The following ZHX2 variants were observed in gnomAD, a reference collection of about 807,000 sequenced individuals.
ZHX2 encodes zinc fingers and homeoboxes protein 2.
A neutral mutation model predicts 21.9 loss-of-function variants in ZHX2; 6 were observed. The ratio of observed to expected loss-of-function variants is 0.27; its 90% CI spans 0.15 to 0.54. The LOEUF (loss-of-function observed/expected upper bound fraction) is 0.54, where lower values mean the gene tolerates loss of function less well. Among genes scored for constraint, ZHX2 ranks in the 20% least tolerant of loss-of-function variants. The pLI, the probability that ZHX2 is intolerant of heterozygous loss-of-function variation, is 0.95. For missense variants in ZHX2, 908 were observed against 1,090.7 expected, an observed-to-expected ratio of 0.83 and a Z score of 2.36; for synonymous variants, 434 against 437.1, an observed-to-expected ratio of 0.99 and a Z score of 0.09.
chr8:122,788,743 G>A (rs973254826), intron 1 of ZHX2, among the ~76,000 whole-genome samples: 5 of 152,222 alleles, frequency 3.3e-5, no homozygotes, highest in Non-Finnish European at 7.3e-5. Flanking sequence ...CAGCCTGGAA[G>A]AGGTGTGAGG....
chr8:122,960,546 T>C (rs576238538), intron 3 of ZHX2, among the ~76,000 whole-genome samples: 10 of 151,876 alleles, frequency 6.6e-5, no homozygotes, highest in Admixed American at 2.0e-4. Flanking sequence ...TCAAAAATAA[T>C]AATAAATAAG....
intron 1 of ZHX2, among the ~76,000 whole-genome samples, chr8:122,833,779 G>T (rs866701351): frequency 6.6e-6 from 1 of 152,110 alleles, no homozygotes; most frequent in African/African-American, 2.4e-5. Context: ...GGTGGATCAC[G>T]AGGTCAGGAG....
In ZHX2 at chr8:122,781,714, C is replaced by CT. The variant is rs370222853; in HGVS notation, c.-504dup. The CT allele has an allele frequency of 8.4e-3, 1,243 of 147,246 alleles. 8 individuals are homozygous for CT. The highest frequency in any genetic ancestry group is 0.014 in the Non-Finnish European group (939 of 66,304). The allele number at this position is 147,246 out of a possible 1,614,324, so 9.1% of individuals were successfully genotyped here. On this transcript the variant is annotated 5_prime_UTR_variant, in exon 1 of 4. Transcript: ENST00000314393. This position sits in a 1 kb window ranked among gnomAD's most constrained non-coding sequence, Gnocchi z 4.6. ...GGCATTTTTTTTCCCTTTTTTTTTC[C>CT]TTTTTTTTTTTCTTTTAAAAATTTT...
rs116919468 is a variant in ZHX2, at chr8:122,886,799, G to A, written c.-220+23260G>A. On this transcript the variant is annotated intron_variant, in intron 2 of 3. Coordinates refer to ENST00000314393, the MANE Select transcript of ZHX2 (RefSeq NM_014943.5). The stretch of plus-strand genomic sequence containing the variant: ...GGAGAGGATATAACAGAAGAACTAA[G>A]AGGAAGGAACAGCTGTTCCCTAATG... Among the ~76,000 whole-genome samples, 499 of 152,296 alleles carry A rather than the reference G, an allele frequency of 3.3e-3. 12 individuals are homozygous for A. The highest frequency in any genetic ancestry group is 0.023 in the Admixed American group (346 of 15,308).
chr8:122,892,691 A>T (rs1204112065), intron 2 of ZHX2, among the ~76,000 whole-genome samples: 2 of 151,482 alleles, frequency 1.3e-5, no homozygotes, highest in African/African-American at 2.4e-5. Context: ...TTTTTTATTT[A>T]TTTATTTTTT....
chr8:122,875,767 A>T (rs761959892), intron 2 of ZHX2, among the ~76,000 whole-genome samples: 1 of 152,250 alleles, frequency 6.6e-6, no homozygotes, highest in African/African-American at 2.4e-5. Flanking sequence ...GATGGGACAG[A>T]ACCAGGATTG....
chr8:122,794,602 A>G (rs1438223694), intron 1 of ZHX2, among the ~76,000 whole-genome samples: 1 of 152,194 alleles, frequency 6.6e-6, no homozygotes, highest in Non-Finnish European at 1.5e-5. Context: ...TCTCCAGTCC[A>G]CTACAGACTG....
At chr8:122,786,724 C>T (rs924357537) in intron 1 of ZHX2, among the ~76,000 whole-genome samples, 2 of 151,882 alleles carry the variant, frequency 1.3e-5, no homozygotes, top group African/African-American at 4.8e-5. Flanking sequence ...CCTCCCCCCA[C>T]CCCCAGTACA....
At chr8:122,942,477 C>T (rs1244696141) in intron 2 of ZHX2, among the ~76,000 whole-genome samples, 1 of 152,184 alleles carries the variant, frequency 6.6e-6, no homozygotes, top group African/African-American at 2.4e-5. Flanking sequence ...TGTCAAAGCC[C>T]GGAGGTGTGA....
chr8:122,952,892 GC>G lies in ZHX2; in HGVS notation c.1384del (p.Gln462SerfsTer14). 1.2e-6 allele frequency: 2 copies of G among 1,614,174 alleles called. No individual in the cohort carries two copies. Among genetic ancestry groups the G allele is most frequent in the Non-Finnish European group, 1.7e-6 (2 of 1,180,048 alleles). ...CATCTCAAGGCCAGCTTTCTCCAGA[GC>G]CAGTTCCCTGACGATGCCGAGGTTT... ...IAHLKASFLQ[S>X]QFPDDAEVYR... On this transcript the variant is annotated frameshift_variant, in exon 3 of 4. Transcript: ENST00000314393. LOFTEE classifies it low-confidence loss of function (END_TRUNC). The surrounding 1 kb of genome is among the most constrained non-coding windows in gnomAD (Gnocchi z 6.9).
chr8:122,868,729 AC>A, intron 2 of ZHX2, among the ~76,000 whole-genome samples: 1 of 151,032 alleles, frequency 6.6e-6, no homozygotes, highest in Middle Eastern at 3.4e-3. Flanking sequence ...AAATAGCCAG[AC>A]ATGGCGGGGC....
intron 2 of ZHX2, among the ~76,000 whole-genome samples, chr8:122,896,436 G>A (rs372904281): frequency 4.6e-5 from 7 of 152,248 alleles, no homozygotes; most frequent in Admixed American, 1.3e-4. Context: ...ATTTTTGAGC[G>A]TCAGTTCTAT....
intron 2 of ZHX2, among the ~76,000 whole-genome samples, chr8:122,878,337 G>A (rs1326779901): frequency 6.6e-6 from 1 of 152,190 alleles, no homozygotes; most frequent in African/African-American, 2.4e-5. Flanking sequence ...AGTCTACAGG[G>A]TTCAGTTGAT....
Position 122,782,168 on chromosome 8 carries a change from A to G in ZHX2, c.-283+222A>G, listed in dbSNP as rs1817302046. Reference sequence around the variant, plus strand: ...CTCTTTTTGCGGGTGGGAGGAAATGAGCGGATACAGAGAGGGAAGAAGATT... The same window carrying G: ...CTCTTTTTGCGGGTGGGAGGAAATGGGCGGATACAGAGAGGGAAGAAGATT... On this transcript the variant is annotated intron_variant, in intron 1 of 3. Transcript: ENST00000314393. The surrounding 1 kb of genome is among the most constrained non-coding windows in gnomAD (Gnocchi z 5.3). 1.3e-5 allele frequency among the ~76,000 whole-genome samples: 2 copies of G among 151,376 alleles called. No individual in the cohort carries two copies. Among genetic ancestry groups the G allele is most frequent in the South Asian group, 4.2e-4 (2 of 4,810 alleles).
chr8:122,899,363 C>G (rs1820173418), intron 2 of ZHX2, among the ~76,000 whole-genome samples: 1 of 152,156 alleles, frequency 6.6e-6, no homozygotes, highest in Non-Finnish European at 1.5e-5. Flanking sequence ...TCAGTCAGAG[C>G]AGGGCTTTGT....
intron 1 of ZHX2, among the ~76,000 whole-genome samples, chr8:122,790,493 A>T (rs987324665): frequency 6.6e-6 from 1 of 152,132 alleles, no homozygotes; most frequent in Non-Finnish European, 1.5e-5. Context: ...TAGCTACAAC[A>T]TCTGCTGCCC....
At chr8:122,937,958 A>C (rs1342864336) in intron 2 of ZHX2, among the ~76,000 whole-genome samples, 2 of 10,016 alleles carry the variant, frequency 2.0e-4, no homozygotes, top group Non-Finnish European at 4.6e-4. Flanking sequence ...TTTTTTTGAG[A>C]CGGAGTCTGG....
chr8:122,813,765 A>G (rs1051878216), intron 1 of ZHX2, among the ~76,000 whole-genome samples: 1 of 152,222 alleles, frequency 6.6e-6, no homozygotes, highest in African/African-American at 2.4e-5. Flanking sequence ...TTTGAGCATC[A>G]TGTCAGGGCT....
chr8:122,926,268 G>A (rs1441177640), intron 2 of ZHX2, among the ~76,000 whole-genome samples: 1 of 152,200 alleles, frequency 6.6e-6, no homozygotes, highest in African/African-American at 2.4e-5. Flanking sequence ...GTTGATGCCG[G>A]TGCGGAACAA....
Sources: gnomAD v4.1 joint callset for allele counts (sites outside exome capture counted in the v4.1 genomes callset) on GRCh38, gnomAD v4.1.1 for gene constraint, Gnocchi (gnomAD v3.1) non-coding constraint, MANE v1.5 for transcripts, NCBI Gene and HGNC (gene_info 2026-07-23, HGNC 2026-07-21) for gene names.